TAF1B: variants seen among roughly 807,000 people sequenced by gnomAD.
TAF1B encodes TATA-box binding protein associated factor, RNA polymerase I subunit B.
Under a neutral mutation model 83.9 loss-of-function variants are expected in TAF1B, and 61 were observed. The observed-to-expected ratio is 0.73, with a 90% CI of 0.59 to 0.90. TAF1B has a LOEUF of 0.90. Ranked by LOEUF, TAF1B falls within the 40% of genes least tolerant of loss-of-function variation. The pLI is 0.00. For synonymous variants in TAF1B, 221 were observed against 224.6 expected (o/e 0.98, Z 0.14); for missense variants, 625 against 677.0 (o/e 0.92, Z 0.85).
intron 8 of TAF1B, among the ~76,000 whole-genome samples, chr2:9,895,533 A>T (rs1377089150): frequency 6.6e-6 from 1 of 152,150 alleles, no homozygotes; most frequent in African/African-American, 2.4e-5. Flanking sequence ...TTTCTACTAC[A>T]TGGTAGGTTT....
chr2:9,913,024 C>T, intron 11 of TAF1B, 135 bp from the exon 12 acceptor site: 1 of 637,148 alleles, frequency 1.6e-6, no homozygotes, highest in South Asian at 2.5e-5. Flanking sequence ...TCTGTTGTCT[C>T]TCTAATGTCT....
chr2:9,872,388 A>G (rs1039926614), intron 6 of TAF1B, among the ~76,000 whole-genome samples: 2 of 151,816 alleles, frequency 1.3e-5, no homozygotes, highest in Non-Finnish European at 2.9e-5. Context: ...TTAAGCAGTC[A>G]TCCTGGTGTT....
intron 9 of TAF1B, among the ~76,000 whole-genome samples, chr2:9,908,678 A>G (rs1051093080): frequency 1.3e-5 from 2 of 152,182 alleles, no homozygotes; most frequent in Non-Finnish European, 2.9e-5. Context: ...TTGCATCTGA[A>G]TGAAGCCCAG....
At chr2:9,918,807 A>G (rs972919358) in intron 12 of TAF1B, among the ~76,000 whole-genome samples, 11 of 152,212 alleles carry the variant, frequency 7.2e-5, no homozygotes, top group Non-Finnish European at 1.3e-4. Flanking sequence ...CTTCTTCAAG[A>G]TGTCACAGCA....
intron 8 of TAF1B, among the ~76,000 whole-genome samples, chr2:9,885,103 G>C (rs1425621678): frequency 6.6e-6 from 1 of 152,170 alleles, no homozygotes; most frequent in Non-Finnish European, 1.5e-5. Context: ...GTGTTTTGGA[G>C]AACTAGGATA....
intron 2 of TAF1B, among the ~76,000 whole-genome samples, chr2:9,847,122 T>A (rs1663230534): frequency 6.6e-6 from 1 of 152,240 alleles, no homozygotes; most frequent in Non-Finnish European, 1.5e-5. Context: ...TCAAATCTGC[T>A]GCAGTCATTT....
In TAF1B at chr2:9,914,088, T is replaced by TA. The variant is rs1225604431; in HGVS notation, c.1271+841dup. 6.6e-6 allele frequency among the ~76,000 whole-genome samples: 1 copy of TA among 152,216 alleles called. No individual in the cohort carries two copies. The highest frequency in any genetic ancestry group is 1.9e-4 in the East Asian group (1 of 5,202). ...ATAATGCCCACTTATATACTGTAATTAAGACCCAATTTTCCAGTATGAGAG... is the reference window on the plus strand; with the variant it reads ...ATAATGCCCACTTATATACTGTAATTAAAGACCCAATTTTCCAGTATGAGAG... On this transcript the variant is annotated intron_variant, in intron 12 of 14. Transcript: ENST00000263663. The surrounding 1 kb of genome is among the most constrained non-coding windows in gnomAD (Gnocchi z 4.3).
At chr2:9,896,493 G>A (rs2125164363) in intron 8 of TAF1B, among the ~76,000 whole-genome samples, 1 of 152,126 alleles carries the variant, frequency 6.6e-6, no homozygotes, top group South Asian at 2.1e-4. Context: ...GTGCAATTGT[G>A]CTAGGAGATG....
At chr2:9,884,091 A>G (rs999490935) in intron 8 of TAF1B, among the ~76,000 whole-genome samples, 1 of 152,246 alleles carries the variant, frequency 6.6e-6, no homozygotes, top group African/African-American at 2.4e-5. Context: ...GGGTCTGGCC[A>G]GTCAGATATG....
intron 3 of TAF1B, 33 bp from the exon 4 acceptor site, chr2:9,851,508 T>C (rs1663390076): frequency 2.0e-6 from 3 of 1,493,960 alleles, no homozygotes; most frequent in Non-Finnish European, 1.8e-6. Flanking sequence ...AAATTAGGAA[T>C]GTATATGCTA....
chr2:9,910,166 A>C (rs908538987), intron 9 of TAF1B, among the ~76,000 whole-genome samples: 17 of 152,234 alleles, frequency 1.1e-4, no homozygotes, highest in Non-Finnish European at 2.2e-4. Context: ...AACTGAGGCT[A>C]AGTGACTCTG....
chr2:9,924,276 G>C (rs995879999), intron 14 of TAF1B, among the ~76,000 whole-genome samples: 1 of 152,032 alleles, frequency 6.6e-6, no homozygotes, highest in African/African-American at 2.4e-5. Context: ...TTTTCTCAGA[G>C]AGCCCCTTAG....
chr2:9,882,773 T>C lies in TAF1B; in HGVS notation c.775T>C (p.Tyr259His), dbSNP rs781113530. ...GCATTTTCCAGAACAGATGAAATTA[T>C]ATGGACGTGACAGAGGAATCTTTGG... ...FQHFPEQMKL[Y>H]GRDRGIFGIE... The change falls in exon 8 of 15, where the codon TAT becomes CAT. Residue 259 changes from tyrosine (Y) to histidine (H), a missense_variant. Physicochemically the swap from Tyr to His is moderately conservative, Grantham distance 83 (BLOSUM62 2). Transcript: ENST00000263663. The C allele has an allele frequency of 5.0e-6, 8 of 1,612,018 alleles. No individual in the cohort carries two copies. The Admixed American group carries it at 1.3e-4, about 27-fold the overall frequency.
intron 8 of TAF1B, among the ~76,000 whole-genome samples, chr2:9,903,149 AGTCTCG>A (rs1665233084): frequency 1.3e-5 from 2 of 152,090 alleles, no homozygotes; most frequent in African/African-American, 4.8e-5. Flanking sequence ...GCAGTGGCGC[AGTCTCG>A]GCTCACTGTA....
intron 14 of TAF1B, among the ~76,000 whole-genome samples, chr2:9,921,874 G>A (rs1665889697): frequency 6.6e-6 from 1 of 152,092 alleles, no homozygotes; most frequent in South Asian, 2.1e-4. Flanking sequence ...ATAGCGAAAA[G>A]GCCATTCAAT....
At chr2:9,860,794 G>T (rs147580244) in intron 5 of TAF1B, among the ~76,000 whole-genome samples, 1 of 152,328 alleles carries the variant, frequency 6.6e-6, no homozygotes, top group African/African-American at 2.4e-5. Flanking sequence ...AAAGTGGTTA[G>T]TGGAGCAGTG....
intron 2 of TAF1B, among the ~76,000 whole-genome samples, chr2:9,846,750 TAAA>T (rs751754784): frequency 2.6e-5 from 4 of 152,218 alleles, no homozygotes; most frequent in Non-Finnish European, 5.9e-5. Context: ...TACAGAATAT[TAAA>T]AAGATATGTG....
intron 8 of TAF1B, among the ~76,000 whole-genome samples, chr2:9,897,308 T>C (rs1231389667): frequency 1.3e-5 from 2 of 152,224 alleles, no homozygotes. Context: ...TTTCTTGATA[T>C]ATTTTAAACC....
At chr2:9,921,205 C>T (rs1196057576) in intron 14 of TAF1B, among the ~76,000 whole-genome samples, 3 of 152,156 alleles carry the variant, frequency 2.0e-5, no homozygotes, top group Non-Finnish European at 4.4e-5. Flanking sequence ...AATCCTCCCA[C>T]CTCAGCCTTC....
Sources: gnomAD v4.1 joint callset for allele counts (sites outside exome capture counted in the v4.1 genomes callset) on GRCh38, gnomAD v4.1.1 for gene constraint, Gnocchi (gnomAD v3.1) non-coding constraint, MANE v1.5 for transcripts, NCBI Gene and HGNC (gene_info 2026-07-23, HGNC 2026-07-21) for gene names.